Variants in MMP26 observed in about 807,000 individuals in gnomAD.
MMP26 encodes matrix metalloproteinase-26.
MMP26 carries 33 observed loss-of-function variants against 31.0 expected under a neutral mutation model. The ratio of observed to expected loss-of-function variants is 1.06; its 90% CI spans 0.81 to 1.42. The LOEUF (loss-of-function observed/expected upper bound fraction) is 1.42, where lower values mean the gene tolerates loss of function less well. Ranked by LOEUF, MMP26 falls within the 40% of genes most tolerant of loss-of-function variation. The probability of loss-of-function intolerance (pLI) is 0.00; values close to 1 mark genes in which losing one functional copy is unlikely to be tolerated. For missense variants in MMP26, 347 were observed against 316.1 expected, an observed-to-expected ratio of 1.10 and a Z score of -0.74; for synonymous variants, 122 against 114.9, an observed-to-expected ratio of 1.06 and a Z score of -0.40.
At chr11:4,732,065 T>C (rs763007075) in intron 1 of MMP26, among the ~76,000 whole-genome samples, 15 of 152,288 alleles carry the variant, frequency 9.8e-5, no homozygotes, top group Non-Finnish European at 1.8e-4. Flanking sequence ...ATGGCACAAA[T>C]AGGCCAGGGT....
At chr11:4,976,121 G>T (rs962317601) in intron 2 of MMP26, among the ~76,000 whole-genome samples, 2 of 151,998 alleles carry the variant, frequency 1.3e-5, no homozygotes, top group African/African-American at 4.8e-5. Flanking sequence ...ACATTGCACA[G>T]ATAGGATTGT....
At chr11:4,941,749 A>AG (rs921759256) in intron 2 of MMP26, among the ~76,000 whole-genome samples, 25 of 47,064 alleles carry the variant, frequency 5.3e-4, no homozygotes, top group Admixed American at 1.2e-3. Flanking sequence ...ATAAAAAGGA[A>AG]AAAATAGAAA....
intron 2 of MMP26, among the ~76,000 whole-genome samples, chr11:4,901,677 TC>T (rs748076328): frequency 6.6e-6 from 1 of 152,154 alleles, no homozygotes; most frequent in Non-Finnish European, 1.5e-5. Context: ...TCGCAATTTT[TC>T]CTATACCGCA....
chr11:4,725,504 G>T (rs754397737), intron 1 of MMP26, among the ~76,000 whole-genome samples: 1 of 152,212 alleles, frequency 6.6e-6, no homozygotes, highest in Non-Finnish European at 1.5e-5. Context: ...AGCCTTGTTT[G>T]TTGAGAATTT....
At position 4,952,607 on chromosome 11, in the gene MMP26, C is replaced by G. The variant is rs1427433643; in HGVS notation, c.-144-35461C>G. 2.4e-5 allele frequency among the ~76,000 whole-genome samples: 3 copies of G among 125,088 alleles called. 1 individual carries two copies. In the Admixed American group the frequency reaches 2.7e-4, roughly 11 times the overall value. The allele number at this position is 125,088 out of a possible 152,430, so 82.1% of individuals were successfully genotyped here. A position where few individuals can be genotyped will look rare whatever the true frequency, so the allele number is the denominator to read the frequency against. On this transcript the variant is annotated intron_variant, in intron 2 of 7. Transcript: ENST00000380390. ...CTGAATTTAAAAACTAAAATGTACT[C>G]AAGATAATACTATCCTGGAGTATCA... is the stretch of plus-strand genomic sequence containing the variant.
At chr11:4,737,817 T>G (rs1287094190) in intron 1 of MMP26, among the ~76,000 whole-genome samples, 1 of 152,208 alleles carries the variant, frequency 6.6e-6, no homozygotes, top group Non-Finnish European at 1.5e-5. Flanking sequence ...GTGGTATTCA[T>G]TTTTAAAAGT....
chr11:4,807,008 C>T (rs1355098340), intron 2 of MMP26, among the ~76,000 whole-genome samples: 5 of 151,854 alleles, frequency 3.3e-5, no homozygotes, highest in South Asian at 4.2e-4. Flanking sequence ...CATTGCTGTA[C>T]GAGGCAATAT....
At chr11:4,765,971 T>C (rs1215824459) in intron 1 of MMP26, among the ~76,000 whole-genome samples, 1 of 152,226 alleles carries the variant, frequency 6.6e-6, no homozygotes, top group Non-Finnish European at 1.5e-5. Context: ...CACTCAGTAG[T>C]AAATTAGCTA....
In MMP26 at chr11:4,779,658, ATTTC is replaced by A. The variant is rs1848833234; in HGVS notation, c.-145+12324_-145+12327del. ...GAAAACTTTTTGAATTCACATTTGAATTTCTTTCTTCCTTACATTAGTTTAGCTA... is the reference window on the plus strand; with the variant it reads ...GAAAACTTTTTGAATTCACATTTGAATTTCTTCCTTACATTAGTTTAGCTA... On this transcript the variant is annotated intron_variant, in intron 2 of 7. Coordinates refer to ENST00000380390, the MANE Select transcript of MMP26 (RefSeq NM_021801.5). 3.3e-5 allele frequency among the ~76,000 whole-genome samples: 5 copies of A among 152,096 alleles called. No homozygotes were observed. In the South Asian group the frequency reaches 1.0e-3, roughly 31 times the overall value.
At chr11:4,766,721 C>T in intron 1 of MMP26, among the ~76,000 whole-genome samples, 1 of 143,864 alleles carries the variant, frequency 7.0e-6, no homozygotes, top group Non-Finnish European at 1.5e-5. Flanking sequence ...CCCTCCCTTC[C>T]TTCCTTCCTT....
rs145704480 is a variant in MMP26 at position 4,786,048 on chromosome 11, G to A, written c.-145+18707G>A. ...CTTTTCTCCAATCTTGATGGACCTGGGGAAACTGAACAAGTCTCTATGGGG... is the reference window on the plus strand; with the variant it reads ...CTTTTCTCCAATCTTGATGGACCTGAGGAAACTGAACAAGTCTCTATGGGG... On this transcript the variant is annotated intron_variant, in intron 2 of 7. Coordinates refer to ENST00000380390, the MANE Select transcript of MMP26 (RefSeq NM_021801.5). Among the ~76,000 whole-genome samples the A allele has an allele frequency of 1.3e-4, 20 of 152,194 alleles. No homozygotes were observed. In the East Asian group the frequency reaches 3.9e-3, roughly 29 times the overall value.
intron 1 of MMP26, among the ~76,000 whole-genome samples, chr11:4,721,059 G>A (rs761811460): frequency 1.3e-5 from 2 of 152,170 alleles, no homozygotes; most frequent in Non-Finnish European, 2.9e-5. Context: ...AGCTTCCGGT[G>A]TCCTAGCCTC....
chr11:4,716,587 T>C (rs945509901), intron 1 of MMP26, among the ~76,000 whole-genome samples: 1 of 144,254 alleles, frequency 6.9e-6, no homozygotes, highest in Non-Finnish European at 1.5e-5. Context: ...ATTGTATGAA[T>C]AGAAAAAATC....
rs1849747418 is a variant in MMP26 at position 4,838,314 on chromosome 11, CT to C, written c.-145+70974del. Among the ~76,000 whole-genome samples the C allele has an allele frequency of 9.6e-5, 3 of 31,358 alleles. No individual in the cohort carries two copies. In the South Asian group the frequency reaches 4.3e-3, roughly 45 times the overall value. The allele number at this position is 31,358 out of a possible 152,430, so 20.6% of individuals were successfully genotyped here. ...GCCAGGGCACAGGGCAAGACTCTGT[CT>C]AAAAAAAAAAAAAAAAAAAAAAAAA... On this transcript the variant is annotated intron_variant, in intron 2 of 7. Transcript: ENST00000380390.
Position 4,716,650 on chromosome 11 carries a change from C to CTTTTTTTTTTTTT in MMP26, c.-217+11621_-217+11633dup, listed in dbSNP as rs71050424. Among the ~76,000 whole-genome samples the CTTTTTTTTTTTTT allele has an allele frequency of 4.5e-4, 29 of 65,046 alleles. 7 individuals are homozygous for CTTTTTTTTTTTTT. Among genetic ancestry groups the CTTTTTTTTTTTTT allele is most frequent in the African/African-American group, 1.2e-3 (18 of 14,750 alleles). 42.7% of individuals were successfully genotyped at this position (65,046 alleles called of 152,430 possible). A position where few individuals can be genotyped will look rare whatever the true frequency, so the allele number is the denominator to read the frequency against. On this transcript the variant is annotated intron_variant, in intron 1 of 7. Coordinates refer to ENST00000380390, the MANE Select transcript of MMP26 (RefSeq NM_021801.5). The stretch of plus-strand genomic sequence containing the variant: ...ATTCCATACTTGATCTCTCTTACCT[C>CTTTTTTTTTTTTT]TTTTTTTTTTTTTTTTTTTTTTTTT...
chr11:4,864,508 A>G (rs1485363223), intron 2 of MMP26, among the ~76,000 whole-genome samples: 5 of 152,202 alleles, frequency 3.3e-5, no homozygotes, highest in Admixed American at 6.5e-5. Flanking sequence ...GATTGACATC[A>G]TATGGCCGAA....
At chr11:4,850,360 G>A (rs1849958108) in intron 2 of MMP26, among the ~76,000 whole-genome samples, 1 of 152,146 alleles carries the variant, frequency 6.6e-6, no homozygotes, top group Non-Finnish European at 1.5e-5. Flanking sequence ...TATGTCAATA[G>A]CAAAACCAAT....
At chr11:4,766,637 A>G (rs1300130270) in intron 1 of MMP26, among the ~76,000 whole-genome samples, 1 of 151,322 alleles carries the variant, frequency 6.6e-6, no homozygotes, top group African/African-American at 2.4e-5. Context: ...GGTGTAACAA[A>G]TGGGCTGTTT....
chr11:4,842,665 C>T (rs113040892), intron 2 of MMP26, among the ~76,000 whole-genome samples: 14,444 of 152,136 alleles, frequency 0.095, 813 homozygotes, highest in African/African-American at 0.16. Context: ...GGACACAGAG[C>T]CAAAACATAT....
Sources: allele counts gnomAD v4.1 joint callset (sites outside exome capture counted in the v4.1 genomes callset), GRCh38; gene constraint gnomAD v4.1.1; transcripts MANE v1.5; gene names NCBI Gene and HGNC (gene_info 2026-07-23, HGNC 2026-07-21).